Variants in GALNT13 observed in about 807,000 individuals in gnomAD.
GALNT13 encodes the protein UDP-GalNAc:polypeptide N-acetylgalactosaminyltransferase 13.
A neutral mutation model predicts 64.2 loss-of-function variants in GALNT13; 28 were observed. The observed-to-expected ratio is 0.44, with a 90% CI of 0.32 to 0.60. GALNT13 has a LOEUF of 0.60. GALNT13 is among the 20% of genes least tolerant of loss of function. The pLI is 0.05. For missense variants in GALNT13, 577 were observed against 669.8 expected (o/e 0.86, Z 1.53); for synonymous variants, 214 against 224.6 (o/e 0.95, Z 0.42).
the GALNT13 span, among the ~76,000 whole-genome samples, chr2:153,327,448 T>C: frequency 6.6e-6 from 1 of 152,142 alleles, no homozygotes; most frequent in African/African-American, 2.4e-5. Context: ...GTAGGTTTGG[T>C]CTTTTCACAT....
chr2:153,204,249 C>T, the GALNT13 span, among the ~76,000 whole-genome samples: 3 of 152,220 alleles, frequency 2.0e-5, no homozygotes, highest in South Asian at 2.1e-4. Flanking sequence ...TCACCCTGGA[C>T]TATATTGCTT....
intron 9 of GALNT13, among the ~76,000 whole-genome samples, chr2:154,321,721 A>T (rs114167584): frequency 2.0e-5 from 3 of 152,094 alleles, no homozygotes; most frequent in African/African-American, 7.2e-5. Context: ...TAAATAATAT[A>T]TTAAAAATAT....
chr2:153,894,244 C>T (rs902545484), intron 1 of GALNT13, among the ~76,000 whole-genome samples: 1 of 152,178 alleles, frequency 6.6e-6, no homozygotes, highest in East Asian at 1.9e-4. Context: ...CGAGACCCCA[C>T]TTGAGAACCC....
At chr2:154,029,866 G>A (rs1314823738) in intron 3 of GALNT13, among the ~76,000 whole-genome samples, 2 of 152,140 alleles carry the variant, frequency 1.3e-5, no homozygotes, top group Admixed American at 1.3e-4. Context: ...GCATAAGAAA[G>A]AGTCAGATGG....
chr2:153,592,018 C>A, the GALNT13 span, among the ~76,000 whole-genome samples: 14 of 151,768 alleles, frequency 9.2e-5, no homozygotes, highest in Admixed American at 7.9e-4. Flanking sequence ...GGGCAAAGGA[C>A]ATGAACAGAA....
the GALNT13 span, among the ~76,000 whole-genome samples, chr2:153,545,419 G>A: frequency 4.6e-5 from 7 of 152,206 alleles, no homozygotes; most frequent in Admixed American, 4.6e-4. Context: ...TCAGTTGCAA[G>A]ACTGTTGGAG....
At chr2:153,135,580 T>A in the GALNT13 span, among the ~76,000 whole-genome samples, 8 of 152,120 alleles carry the variant, frequency 5.3e-5, no homozygotes, top group Non-Finnish European at 1.0e-4. Flanking sequence ...AAAATCCTGA[T>A]TTGTTGAGAA....
chr2:154,380,220 A>T (rs1433025042), intron 9 of GALNT13, among the ~76,000 whole-genome samples: 1 of 152,040 alleles, frequency 6.6e-6, no homozygotes, highest in Non-Finnish European at 1.5e-5. Context: ...ATTAAAAATT[A>T]TATGTTTTAC....
chr2:153,116,877 G>T, the GALNT13 span, among the ~76,000 whole-genome samples: 20 of 135,244 alleles, frequency 1.5e-4, no homozygotes, highest in South Asian at 4.6e-3. Flanking sequence ...TTGGCTCACT[G>T]CAAGCTCTGC....
intron 8 of GALNT13, among the ~76,000 whole-genome samples, chr2:154,261,805 G>A (rs1690713191): frequency 6.6e-6 from 1 of 152,008 alleles, no homozygotes; most frequent in Admixed American, 6.6e-5. Context: ...GTGAGTATAG[G>A]TGAACATAAA....
intron 4 of GALNT13, among the ~76,000 whole-genome samples, chr2:154,241,230 C>G (rs1689471142): frequency 6.6e-6 from 1 of 152,140 alleles, no homozygotes; most frequent in Admixed American, 6.5e-5. Context: ...CCAGGGCGGT[C>G]TTGGGAAATC....
intron 9 of GALNT13, among the ~76,000 whole-genome samples, chr2:154,386,442 C>A (rs1452600186): frequency 6.6e-6 from 1 of 151,814 alleles, no homozygotes; most frequent in Non-Finnish European, 1.5e-5. Context: ...ATCTGGGTGG[C>A]CTGATGGTTG....
At chr2:153,736,302 T>C in the GALNT13 span, among the ~76,000 whole-genome samples, 1 of 152,178 alleles carries the variant, frequency 6.6e-6, no homozygotes, top group Non-Finnish European at 1.5e-5. Context: ...AATTATCTCA[T>C]ATTTTGGCCA....
At chr2:153,502,219 A>C in the GALNT13 span, among the ~76,000 whole-genome samples, 2 of 152,110 alleles carry the variant, frequency 1.3e-5, no homozygotes, top group African/African-American at 2.4e-5. Flanking sequence ...CTCAATGTGT[A>C]GTCTTTTATC....
At chr2:153,406,765 C>T in the GALNT13 span, among the ~76,000 whole-genome samples, 1 of 152,164 alleles carries the variant, frequency 6.6e-6, no homozygotes, top group Non-Finnish European at 1.5e-5. Context: ...TTAATTTTCT[C>T]TTTAAGTAGT....
At chr2:154,331,469 AT>A (rs147714010) in intron 9 of GALNT13, among the ~76,000 whole-genome samples, 22,861 of 150,554 alleles carry the variant, frequency 0.15, 2,162 homozygotes, top group Non-Finnish European at 0.19. Flanking sequence ...TGCCCACACA[AT>A]TTTTTTTTTT....
the GALNT13 span, among the ~76,000 whole-genome samples, chr2:153,192,375 T>A: frequency 1.3e-5 from 2 of 152,120 alleles, no homozygotes; most frequent in Non-Finnish European, 2.9e-5. Context: ...GATTTCCAGT[T>A]TTATTCTTTT....
intron 8 of GALNT13, among the ~76,000 whole-genome samples, chr2:154,276,298 C>T (rs1409107662): frequency 1.3e-5 from 2 of 152,004 alleles, no homozygotes; most frequent in Admixed American, 6.6e-5. Context: ...CAGCTCACTG[C>T]AACCTCCTTT....
chr2:154,112,607 A>G (rs1574523084), intron 3 of GALNT13, among the ~76,000 whole-genome samples: 1 of 152,242 alleles, frequency 6.6e-6, no homozygotes. Context: ...GAATCAGCAT[A>G]TAATTGTACA....
Sources: allele counts gnomAD v4.1 joint callset (sites outside exome capture counted in the v4.1 genomes callset), GRCh38; gene constraint gnomAD v4.1.1; transcripts MANE v1.5; gene names NCBI Gene and HGNC (gene_info 2026-07-23, HGNC 2026-07-21).